Variants in POT1 observed in about 807,000 individuals in gnomAD.
The protein encoded by POT1 is protection of telomeres 1, also known as protection of telomeres protein 1.
A neutral mutation model predicts 78.5 loss-of-function variants in POT1; 47 were observed. The observed-to-expected ratio is 0.60, with a 90% CI of 0.47 to 0.76. The LOEUF is 0.76. Among genes scored for constraint, POT1 ranks in the 30% least tolerant of loss-of-function variants. The pLI, the probability that POT1 is intolerant of heterozygous loss-of-function variation, is 0.00. For missense variants in POT1, 646 were observed against 749.9 expected, an observed-to-expected ratio of 0.86 and a Z score of 1.62; for synonymous variants, 259 against 260.7, an observed-to-expected ratio of 0.99 and a Z score of 0.06.
At chr7:124,848,399 T>A (rs1795222090) in intron 11 of POT1, 1 of 152,250 alleles carries the variant, frequency 6.6e-6, no homozygotes, top group African/African-American at 2.4e-5. Flanking sequence ...GCACGGTGGC[T>A]TGCACCTGTA....
At chr7:124,887,944 CAATT>C (rs1361914174) in intron 6 of POT1, among the ~76,000 whole-genome samples, 15 of 152,004 alleles carry the variant, frequency 9.9e-5, no homozygotes, top group African/African-American at 2.9e-4. Flanking sequence ...TATCATATAG[CAATT>C]AATAGGTTAT....
chr7:124,876,081 C>T (rs188804798), intron 6 of POT1, among the ~76,000 whole-genome samples: 1 of 152,220 alleles, frequency 6.6e-6, no homozygotes, highest in Admixed American at 6.5e-5. Flanking sequence ...AAAACAGCTG[C>T]TCTCTCCAAA....
chr7:124,842,303 T>C (rs1457769269), intron 13 of POT1, among the ~76,000 whole-genome samples: 1 of 151,986 alleles, frequency 6.6e-6, no homozygotes, highest in Non-Finnish European at 1.5e-5. Context: ...ATACATTTAT[T>C]ACATATTTAT....
At chr7:124,832,673 C>T (rs544759071) in intron 15 of POT1, among the ~76,000 whole-genome samples, 30 of 151,922 alleles carry the variant, frequency 2.0e-4, no homozygotes, top group African/African-American at 6.0e-4. Context: ...AACAATCAGC[C>T]GGGTGTTAGT....
rs773227651 is a variant in POT1, at chr7:124,858,896, G to A, written c.702+61C>T. On this transcript the variant is annotated intron_variant, in intron 9 of 18. Coordinates refer to ENST00000357628, the MANE Select transcript of POT1 (RefSeq NM_015450.3). ...GTAACCATATATAAAAAATTTACAT[G>A]AGCAAAAATCACTATAATTTATAAA... is the stretch of plus-strand genomic sequence containing the variant. The A allele has an allele frequency of 6.1e-6, 8 of 1,310,474 alleles. No homozygotes were observed. The African/African-American group carries it at 9.0e-5, about 15-fold the overall frequency. 81.2% of individuals were successfully genotyped at this position (1,310,474 alleles called of 1,614,324 possible).
intron 3 of POT1, among the ~76,000 whole-genome samples, chr7:124,909,251 C>G (rs755333458): frequency 5.9e-5 from 9 of 151,794 alleles, no homozygotes; most frequent in Non-Finnish European, 1.2e-4. Context: ...CAAAAAATGT[C>G]TCATACAGAG....
chr7:124,925,014 T>C (rs1251071233), intron 2 of POT1, among the ~76,000 whole-genome samples: 1 of 151,868 alleles, frequency 6.6e-6, no homozygotes, highest in African/African-American at 2.4e-5. Flanking sequence ...TAATACTGAA[T>C]TGGGGAAAAG....
intron 16 of POT1, 51 bp from the exon 17 acceptor site, chr7:124,827,356 T>C (rs1464280832): frequency 1.9e-6 from 2 of 1,077,014 alleles, no homozygotes; most frequent in South Asian, 1.6e-5. Context: ...TTCCTTATTA[T>C]CAAGGTAAAG....
intron 3 of POT1, among the ~76,000 whole-genome samples, chr7:124,903,043 C>T (rs944576183): frequency 2.0e-5 from 3 of 152,264 alleles, no homozygotes; most frequent in Non-Finnish European, 4.4e-5. Context: ...TAGAGACCTA[C>T]AAAGAGACTT....
At chr7:124,905,717 A>G (rs1422110099) in intron 3 of POT1, among the ~76,000 whole-genome samples, 1 of 152,222 alleles carries the variant, frequency 6.6e-6, no homozygotes, top group Non-Finnish European at 1.5e-5. Flanking sequence ...GAATGGGAGA[A>G]TATTTTTGCA....
intron 1 of POT1, chr7:124,929,497 C>G (rs1289932609): frequency 6.6e-6 from 1 of 152,158 alleles, no homozygotes; most frequent in Non-Finnish European, 1.5e-5. Context: ...CCTTATTTCA[C>G]AGACCTCTTG....
At chr7:124,904,278 GC>G (rs1178548927) in intron 3 of POT1, among the ~76,000 whole-genome samples, 2 of 151,952 alleles carry the variant, frequency 1.3e-5, no homozygotes, top group African/African-American at 4.8e-5. Context: ...TAAAATACTG[GC>G]AAACCAAATC....
rs914371354 is a variant in POT1, at chr7:124,915,664, AAT to A, written c.-226-20_-226-19del. On this transcript the variant is annotated intron_variant, in intron 2 of 18. Coordinates refer to ENST00000357628, the MANE Select transcript of POT1 (RefSeq NM_015450.3). Reference sequence around the variant, plus strand: ...AGTTTTCCCTGAAATGAGAAAAAAAAATAGTTACAAAGAGGAGTCAAAGGAGT... The same window carrying A: ...AGTTTTCCCTGAAATGAGAAAAAAAAAGTTACAAAGAGGAGTCAAAGGAGT... 1.3e-5 allele frequency: 2 copies of A among 152,158 alleles called. No individual in the cohort carries two copies. The highest frequency in any genetic ancestry group is 2.4e-5 in the African/African-American group (1 of 41,464). 9.4% of individuals were successfully genotyped at this position (152,158 alleles called of 1,614,324 possible).
At chr7:124,883,589 A>G (rs1396789524) in intron 6 of POT1, among the ~76,000 whole-genome samples, 2 of 152,126 alleles carry the variant, frequency 1.3e-5, no homozygotes, top group Non-Finnish European at 2.9e-5. Context: ...TTACGGTTCT[A>G]ATATTATCTA....
In POT1 at chr7:124,855,086, G is replaced by A. The variant is rs1162328619; in HGVS notation, c.703-1948C>T. On this transcript the variant is annotated intron_variant, in intron 9 of 18. Coordinates refer to ENST00000357628, the MANE Select transcript of POT1 (RefSeq NM_015450.3). ...GAAAAGCTAATCCAAAAACTTATAC[G>A]AAAGAGAACAGTCAAATCAATTTTA... is the stretch of plus-strand genomic sequence containing the variant. Among the ~76,000 whole-genome samples the A allele has an allele frequency of 2.0e-5, 3 of 151,210 alleles. 1 individual carries two copies. Among genetic ancestry groups the A allele is most frequent in the Admixed American group, 1.3e-4 (2 of 15,156 alleles).
intron 3 of POT1, among the ~76,000 whole-genome samples, chr7:124,905,780 A>T (rs1796751203): frequency 6.6e-6 from 1 of 152,224 alleles, no homozygotes; most frequent in Non-Finnish European, 1.5e-5. Flanking sequence ...GAACTTAAAC[A>T]AATTTACAAG....
At chr7:124,866,298 C>A (rs1307132369) in intron 7 of POT1, among the ~76,000 whole-genome samples, 3 of 96,524 alleles carry the variant, frequency 3.1e-5, no homozygotes, top group Non-Finnish European at 6.9e-5. Flanking sequence ...GTGAGGTGAG[C>A]TACTTTTGGG....
chr7:124,877,840 C>CAAAAAAAAA lies in POT1; in HGVS notation c.125-6808_125-6800dup, dbSNP rs201285982. Reference sequence around the variant, plus strand: ...TGGGCGACAGAGAGAGATTCTGTCTCAAAAAAAAAAAAAAAAAAAAAAAAA... The same window carrying CAAAAAAAAA: ...TGGGCGACAGAGAGAGATTCTGTCTCAAAAAAAAAAAAAAAAAAAAAAAAAAAAAAAAAA... On this transcript the variant is annotated intron_variant, in intron 6 of 18. Coordinates refer to ENST00000357628, the MANE Select transcript of POT1 (RefSeq NM_015450.3). Among the ~76,000 whole-genome samples the CAAAAAAAAA allele has an allele frequency of 3.8e-4, 31 of 80,570 alleles. 4 individuals carry two copies. The highest frequency in any genetic ancestry group is 5.4e-4 in the Non-Finnish European group (20 of 36,926). 52.9% of individuals were successfully genotyped at this position (80,570 alleles called of 152,430 possible).
chr7:124,920,980 C>A (rs553723202), intron 2 of POT1, among the ~76,000 whole-genome samples: 1 of 152,040 alleles, frequency 6.6e-6, no homozygotes, highest in Admixed American at 6.5e-5. Flanking sequence ...GCCTATAATC[C>A]CAGCTACTTG....
Sources: allele counts gnomAD v4.1 joint callset (sites outside exome capture counted in the v4.1 genomes callset), GRCh38; gene constraint gnomAD v4.1.1; transcripts MANE v1.5; gene names NCBI Gene and HGNC (gene_info 2026-07-23, HGNC 2026-07-21).